The following CADM2 variants were observed in gnomAD, a reference collection of about 807,000 sequenced individuals.
The protein encoded by CADM2 is immunoglobulin superfamily member 4D.
In CADM2, 12 loss-of-function variants were observed where a neutral mutation model predicts 49.8. The observed-to-expected ratio is 0.24, with a 90% confidence interval of 0.15 to 0.39. The LOEUF is 0.39. CADM2 is among the 10% of genes least tolerant of loss of function. CADM2 has a pLI of 1.00. For missense variants in CADM2, 378 were observed against 492.3 expected, an observed-to-expected ratio of 0.77 and a Z score of 2.20; for synonymous variants, 214 against 175.4, an observed-to-expected ratio of 1.22 and a Z score of -1.74.
intron 1 of CADM2, among the ~76,000 whole-genome samples, chr3:85,053,226 C>G (rs2035952613): frequency 6.6e-6 from 1 of 151,942 alleles, no homozygotes; most frequent in Admixed American, 6.6e-5. Flanking sequence ...AAGTAGTTAG[C>G]TATGTCATAA....
intron 8 of CADM2, among the ~76,000 whole-genome samples, chr3:86,032,144 G>A (rs1734632771): frequency 6.6e-6 from 1 of 151,512 alleles, no homozygotes; most frequent in Non-Finnish European, 1.5e-5. Context: ...CCAATTAAAT[G>A]AGCAACATAT....
At position 85,979,212 on chromosome 3, in the gene CADM2, C is replaced by A. The variant is rs147467142; in HGVS notation, c.970+17565C>A. ...ACTACTATCATCCCCTCCCTTACCA[C>A]TGCAACAGTCACAACCACTGTAGCC... On this transcript the variant is annotated intron_variant, in intron 8 of 9. Transcript: ENST00000383699. 1.4e-5 allele frequency: 22 copies of A among 1,611,022 alleles called. No homozygotes were observed. In the African/African-American group the frequency reaches 2.8e-4, roughly 21 times the overall value.
intron 7 of CADM2, among the ~76,000 whole-genome samples, chr3:85,959,054 ATATCTATATCTATATATC>A (rs1261203355): frequency 6.6e-6 from 1 of 150,760 alleles, no homozygotes; most frequent in African/African-American, 2.4e-5. Flanking sequence ...ATATATCTAT[ATATCTATATCTATATATC>A]TATATAGCTA....
chr3:86,059,153 T>C (rs2107380405), intron 8 of CADM2, among the ~76,000 whole-genome samples: 1 of 152,120 alleles, frequency 6.6e-6, no homozygotes, highest in Non-Finnish European at 1.5e-5. Context: ...ATTCATATTT[T>C]CTACATACTG....
chr3:85,162,581 A>G (rs185372903), intron 1 of CADM2, among the ~76,000 whole-genome samples: 1 of 152,214 alleles, frequency 6.6e-6, no homozygotes, highest in Non-Finnish European at 1.5e-5. Flanking sequence ...AAAATAATAT[A>G]TGGTTGAGGT....
chr3:85,103,769 C>G (rs371260121), intron 1 of CADM2, among the ~76,000 whole-genome samples: 2 of 152,098 alleles, frequency 1.3e-5, no homozygotes, highest in Non-Finnish European at 2.9e-5. Context: ...TATTCCAGAA[C>G]GTGAGTACTT....
chr3:86,029,579 C>T (rs1182428476), intron 8 of CADM2, among the ~76,000 whole-genome samples: 1 of 151,530 alleles, frequency 6.6e-6, no homozygotes, highest in Non-Finnish European at 1.5e-5. Context: ...TTTCCTGGGC[C>T]TAGGATAATA....
chr3:85,075,855 A>C (rs901194739), intron 1 of CADM2, among the ~76,000 whole-genome samples: 1 of 152,174 alleles, frequency 6.6e-6, no homozygotes, highest in Non-Finnish European at 1.5e-5. Flanking sequence ...CATTCTTGAG[A>C]GTTTATAACT....
At chr3:85,615,458 A>G (rs1335678786) in intron 1 of CADM2, among the ~76,000 whole-genome samples, 1 of 151,976 alleles carries the variant, frequency 6.6e-6, no homozygotes, top group East Asian at 1.9e-4. Flanking sequence ...TATTCAAACC[A>G]AACAAAATAA....
intron 1 of CADM2, among the ~76,000 whole-genome samples, chr3:85,133,344 G>A (rs2039296790): frequency 6.6e-6 from 1 of 152,080 alleles, no homozygotes; most frequent in South Asian, 2.1e-4. Context: ...GTTTTGACAG[G>A]GCACTGATTG....
At chr3:85,150,316 A>G (rs1332461363) in intron 1 of CADM2, among the ~76,000 whole-genome samples, 1 of 152,142 alleles carries the variant, frequency 6.6e-6, no homozygotes, top group Non-Finnish European at 1.5e-5. Flanking sequence ...TCCAGAGTGT[A>G]TGGTCTTTCT....
At chr3:85,588,406 A>G (rs1261668669) in intron 1 of CADM2, among the ~76,000 whole-genome samples, 1 of 152,048 alleles carries the variant, frequency 6.6e-6, no homozygotes, top group Non-Finnish European at 1.5e-5. Context: ...TAAGTTTATG[A>G]TACAGTGTTG....
intron 1 of CADM2, among the ~76,000 whole-genome samples, chr3:85,713,688 C>T (rs1035278104): frequency 3.3e-5 from 5 of 152,086 alleles, no homozygotes; most frequent in East Asian, 1.9e-4. Flanking sequence ...AATTATATTA[C>T]GGTAAAAACT....
chr3:85,870,191 A>G (rs991512014), intron 3 of CADM2, among the ~76,000 whole-genome samples: 1 of 152,108 alleles, frequency 6.6e-6, no homozygotes, highest in African/African-American at 2.4e-5. Context: ...AGATGCATAG[A>G]CAAAGATTCA....
chr3:85,945,938 G>T (rs959968672), intron 7 of CADM2, among the ~76,000 whole-genome samples: 1 of 152,054 alleles, frequency 6.6e-6, no homozygotes, highest in Non-Finnish European at 1.5e-5. Flanking sequence ...GGGCAATCAG[G>T]CAGGAGAAAG....
intron 1 of CADM2, among the ~76,000 whole-genome samples, chr3:85,585,416 A>T (rs2062914226): frequency 6.6e-6 from 1 of 151,888 alleles, no homozygotes. Context: ...GTATATATAT[A>T]TCTTGTATGA....
chr3:85,288,318 A>G (rs1318201419), intron 1 of CADM2, among the ~76,000 whole-genome samples: 1 of 152,104 alleles, frequency 6.6e-6, no homozygotes, highest in African/African-American at 2.4e-5. Context: ...GCTTTGTAGG[A>G]CAATCTGCAA....
chr3:86,055,517 A>T, intron 8 of CADM2, among the ~76,000 whole-genome samples: 1 of 118,780 alleles, frequency 8.4e-6, no homozygotes. Flanking sequence ...CCCTGGCTGG[A>T]GTGCAGTAGC....
chr3:85,824,357 G>A (rs982428821), intron 3 of CADM2, among the ~76,000 whole-genome samples: 1 of 152,082 alleles, frequency 6.6e-6, no homozygotes, highest in Admixed American at 6.6e-5. Flanking sequence ...AGCTTAAAAT[G>A]GAAAACTTAG....
Sources: allele counts gnomAD v4.1 joint callset (sites outside exome capture counted in the v4.1 genomes callset), GRCh38; gene constraint gnomAD v4.1.1; transcripts MANE v1.5; gene names NCBI Gene and HGNC (gene_info 2026-07-23, HGNC 2026-07-21).